Variants in EPB41 observed in about 807,000 individuals in gnomAD.
EPB41 encodes the protein protein 4.1.
Under a neutral mutation model 108.0 loss-of-function variants are expected in EPB41, and 65 were observed. That is an observed-to-expected ratio of 0.60 (90% CI 0.49 to 0.74). EPB41 has a LOEUF of 0.74. EPB41 is among the 30% of genes least tolerant of loss of function. The probability of loss-of-function intolerance (pLI) is 0.00; values close to 1 mark genes in which losing one functional copy is unlikely to be tolerated. For synonymous variants in EPB41, 336 were observed against 358.9 expected, an observed-to-expected ratio of 0.94 and a Z score of 0.72; for missense variants, 875 against 1,037.0, an observed-to-expected ratio of 0.84 and a Z score of 2.15.
At chr1:29,085,545 T>C (rs974169990) in intron 16 of EPB41, among the ~76,000 whole-genome samples, 1 of 152,206 alleles carries the variant, frequency 6.6e-6, no homozygotes, top group African/African-American at 2.4e-5. Flanking sequence ...TTGAAGTATT[T>C]CTTTTCCACC....
chr1:28,947,846 C>T (rs759093391), intron 1 of EPB41, among the ~76,000 whole-genome samples: 4 of 152,032 alleles, frequency 2.6e-5, no homozygotes, highest in African/African-American at 9.7e-5. Context: ...CTAGATATAC[C>T]GCAGAATAGT....
intron 1 of EPB41, among the ~76,000 whole-genome samples, chr1:28,969,975 C>T (rs1254537861): frequency 6.6e-6 from 1 of 152,222 alleles, no homozygotes; most frequent in Non-Finnish European, 1.5e-5. Flanking sequence ...GATATGTTCA[C>T]ATCACCAAAA....
chr1:28,901,150 C>T (rs542105252), intron 1 of EPB41, among the ~76,000 whole-genome samples: 7 of 152,112 alleles, frequency 4.6e-5, no homozygotes, highest in African/African-American at 1.2e-4. Context: ...AGGATAGTCT[C>T]GATCTGCTGA....
chr1:28,991,419 T>G lies in EPB41; in HGVS notation c.469-1911T>G, dbSNP rs144507577. ...TGAAGAGGTTTAAAATCATGGATTT[T>G]GGGGCTGAGTGTGGTGGCTCATGCC... is the stretch of plus-strand genomic sequence containing the variant. On this transcript the variant is annotated intron_variant, in intron 2 of 20. Coordinates refer to ENST00000343067, the MANE Select transcript of EPB41 (RefSeq NM_001376013.1). Among the ~76,000 whole-genome samples, 96 of 152,060 alleles carry G rather than the reference T, an allele frequency of 6.3e-4. 2 individuals carry two copies. In the East Asian group the frequency reaches 0.016, roughly 25 times the overall value.
At chr1:29,039,123 AT>A in intron 10 of EPB41, 130 bp from the exon 11 acceptor site, 1 of 1,011,310 alleles carries the variant, frequency 9.9e-7, no homozygotes, top group East Asian at 2.7e-5. Context: ...TTGATTGAAA[AT>A]TTCTTAGTAA....
rs560671931 is a variant in EPB41, at chr1:28,916,693, T to G, written c.-8+1925T>G. ...CAGAATGCCAACCTTCTGATTCCTC[T>G]GTCTTCTACCAACAAAACTATACAT... is the stretch of plus-strand genomic sequence containing the variant. On this transcript the variant is annotated intron_variant, in intron 1 of 20. Coordinates refer to ENST00000343067, the MANE Select transcript of EPB41 (RefSeq NM_001376013.1). Among the ~76,000 whole-genome samples, 6 of 152,360 alleles carry G rather than the reference T, an allele frequency of 3.9e-5. No individual in the cohort carries two copies. The South Asian group carries it at 1.2e-3, about 32-fold the overall frequency.
At chr1:29,070,628 G>A in intron 16 of EPB41, 2 of 1,232,080 alleles carry the variant, frequency 1.6e-6, no homozygotes, top group Non-Finnish European at 1.0e-6. Flanking sequence ...AGAAAACAGG[G>A]TGCTCATCTG....
intron 1 of EPB41, among the ~76,000 whole-genome samples, chr1:28,898,605 C>A (rs1333702296): frequency 3.3e-5 from 5 of 152,246 alleles, no homozygotes; most frequent in African/African-American, 1.2e-4. Flanking sequence ...ATCTCCTTGG[C>A]CCCACCCACT....
intron 1 of EPB41, among the ~76,000 whole-genome samples, chr1:28,930,816 C>G (rs2093704440): frequency 6.6e-6 from 1 of 152,118 alleles, no homozygotes; most frequent in Non-Finnish European, 1.5e-5. Flanking sequence ...TGTAATTTTT[C>G]TCTGGCTGAA....
intron 1 of EPB41, among the ~76,000 whole-genome samples, chr1:28,904,293 G>A (rs2091584287): frequency 6.6e-6 from 1 of 151,772 alleles, no homozygotes; most frequent in South Asian, 2.1e-4. Context: ...ATAAATGTGT[G>A]ATGGATGAAG....
chr1:29,076,817 G>C (rs942626983), intron 16 of EPB41, among the ~76,000 whole-genome samples: 2 of 152,086 alleles, frequency 1.3e-5, no homozygotes, highest in African/African-American at 4.8e-5. Flanking sequence ...TTGAGGCAGG[G>C]GATTGCTTGA....
chr1:29,030,791 A>G (rs567787001), intron 8 of EPB41, among the ~76,000 whole-genome samples: 2 of 150,054 alleles, frequency 1.3e-5, no homozygotes, highest in South Asian at 4.2e-4. Context: ...AAAAAAAGAG[A>G]GAGAAATAGT....
At chr1:28,969,599 A>C (rs1011191101) in intron 1 of EPB41, among the ~76,000 whole-genome samples, 11 of 151,610 alleles carry the variant, frequency 7.3e-5, no homozygotes, top group Non-Finnish European at 1.6e-4. Context: ...CCCCGTCTGT[A>C]CTAAAAATAC....
intron 1 of EPB41, among the ~76,000 whole-genome samples, chr1:28,900,385 T>A (rs2091156484): frequency 6.6e-6 from 1 of 151,586 alleles, no homozygotes; most frequent in Non-Finnish European, 1.5e-5. Context: ...CCTCCCAGGT[T>A]CAAGCAAACC....
intron 11 of EPB41, among the ~76,000 whole-genome samples, chr1:29,043,585 C>G (rs925047855): frequency 6.6e-6 from 1 of 152,062 alleles, no homozygotes; most frequent in Non-Finnish European, 1.5e-5. Context: ...CAGCATAGGT[C>G]TAGATTCCAG....
At chr1:29,098,568 C>A (rs913105911) in intron 17 of EPB41, among the ~76,000 whole-genome samples, 16 of 152,128 alleles carry the variant, frequency 1.1e-4, no homozygotes, top group Non-Finnish European at 1.6e-4. Flanking sequence ...ATAAGGCAGT[C>A]TGGTGTAATG....
At chr1:28,941,135 T>C (rs1035234326) in intron 1 of EPB41, among the ~76,000 whole-genome samples, 11 of 151,580 alleles carry the variant, frequency 7.3e-5, no homozygotes, top group African/African-American at 2.7e-4. Context: ...CCCAGCACTT[T>C]GGGAGGCTGA....
chr1:29,091,697 G>C (rs765641360), intron 16 of EPB41, among the ~76,000 whole-genome samples: 1 of 152,140 alleles, frequency 6.6e-6, no homozygotes. Flanking sequence ...ATACATTCTT[G>C]TCAAGAATAA....
At chr1:28,944,661 C>T (rs1004226473) in intron 1 of EPB41, among the ~76,000 whole-genome samples, 1 of 151,544 alleles carries the variant, frequency 6.6e-6, no homozygotes, top group South Asian at 2.1e-4. Context: ...CTCAGCCTCC[C>T]GAGTAGCTGG....
Sources: gnomAD v4.1 joint callset for allele counts (sites outside exome capture counted in the v4.1 genomes callset) on GRCh38, gnomAD v4.1.1 for gene constraint, MANE v1.5 for transcripts, NCBI Gene and HGNC (gene_info 2026-07-23, HGNC 2026-07-21) for gene names.